The following ZNF804B variants were observed in gnomAD, a reference collection of about 807,000 sequenced individuals.
ZNF804B encodes zinc finger 804B.
ZNF804B carries 80 observed loss-of-function variants against 101.4 expected under a neutral mutation model. The ratio of observed to expected loss-of-function variants is 0.79; its 90% CI spans 0.66 to 0.95. ZNF804B has a LOEUF of 0.95. Among genes scored for constraint, ZNF804B ranks in the 40% least tolerant of loss-of-function variants. The pLI is 0.00. For synonymous variants in ZNF804B, 622 were observed against 558.8 expected (o/e 1.11, Z -1.59); for missense variants, 1,673 against 1,561.9 (o/e 1.07, Z -1.20).
At chr7:88,765,663 G>T (rs1267098116) in intron 1 of ZNF804B, among the ~76,000 whole-genome samples, 7 of 152,108 alleles carry the variant, frequency 4.6e-5, no homozygotes, top group Non-Finnish European at 1.0e-4. Flanking sequence ...TACTTTGCTT[G>T]AAAATGCCTT....
At chr7:88,922,715 G>A (rs1792736523) in intron 1 of ZNF804B, among the ~76,000 whole-genome samples, 1 of 151,836 alleles carries the variant, frequency 6.6e-6, no homozygotes, top group African/African-American at 2.4e-5. Flanking sequence ...CAAAGTGACA[G>A]CAATCAATCT....
intron 1 of ZNF804B, among the ~76,000 whole-genome samples, chr7:89,195,551 A>C (rs1788533290): frequency 6.6e-6 from 1 of 151,104 alleles, no homozygotes; most frequent in South Asian, 2.1e-4. Flanking sequence ...AATAACAGAC[A>C]AACAGAGAGC....
rs10486887 is a variant in ZNF804B at position 88,958,723 on chromosome 7, C to A, written c.108+198639C>A. Among the ~76,000 whole-genome samples the A allele has an allele frequency of 2.5e-4, 38 of 151,192 alleles. No homozygotes were observed. In the East Asian group the frequency reaches 6.7e-3, roughly 27 times the overall value. Reference sequence around the variant, plus strand: ...GATTTAATGTCACATCGAAGAGTAACTTGTTGCATTTTAGATACTGATTCT... The same window carrying A: ...GATTTAATGTCACATCGAAGAGTAAATTGTTGCATTTTAGATACTGATTCT... On this transcript the variant is annotated intron_variant, in intron 1 of 3. Coordinates refer to ENST00000333190, the MANE Select transcript of ZNF804B (RefSeq NM_181646.5).
At chr7:89,026,374 A>G (rs1345777957) in intron 1 of ZNF804B, among the ~76,000 whole-genome samples, 2 of 152,188 alleles carry the variant, frequency 1.3e-5, no homozygotes, top group Non-Finnish European at 2.9e-5. Flanking sequence ...GAGCTGGGAC[A>G]CGGTTTTGCT....
In ZNF804B at chr7:88,804,870, G is replaced by A. The variant is rs1035042413; in HGVS notation, c.108+44786G>A. Among the ~76,000 whole-genome samples, 11 of 152,136 alleles carry A rather than the reference G, an allele frequency of 7.2e-5. 1 individual carries two copies. In the East Asian group the frequency reaches 7.7e-4, roughly 11 times the overall value. On this transcript the variant is annotated intron_variant, in intron 1 of 3. Transcript: ENST00000333190. ...TGGTACCCCTGACATAACATACTCC[G>A]TTTGCAATTAAGAAAACCATGGCAA...
chr7:89,253,281 T>C (rs1305339697), intron 2 of ZNF804B, among the ~76,000 whole-genome samples: 1 of 151,926 alleles, frequency 6.6e-6, no homozygotes, highest in Non-Finnish European at 1.5e-5. Flanking sequence ...TAAAAACTAA[T>C]AAAAATTGAA....
At chr7:88,818,327 A>T (rs997110598) in intron 1 of ZNF804B, among the ~76,000 whole-genome samples, 1 of 152,180 alleles carries the variant, frequency 6.6e-6, no homozygotes, top group Non-Finnish European at 1.5e-5. Flanking sequence ...TTGCTGATAA[A>T]TTAGGGATTA....
chr7:89,110,019 C>T (rs937856644), intron 1 of ZNF804B, among the ~76,000 whole-genome samples: 1 of 152,032 alleles, frequency 6.6e-6, no homozygotes, highest in African/African-American at 2.4e-5. Context: ...ACAGCATTTG[C>T]CTTTGAAGAG....
chr7:89,225,192 G>T (rs1584067888), intron 2 of ZNF804B, among the ~76,000 whole-genome samples: 1 of 151,990 alleles, frequency 6.6e-6, no homozygotes, highest in African/African-American at 2.4e-5. Flanking sequence ...TATCAGTGGG[G>T]GTGTACCTTG....
chr7:88,780,891 TATC>T (rs1171538499), intron 1 of ZNF804B, among the ~76,000 whole-genome samples: 5 of 152,194 alleles, frequency 3.3e-5, no homozygotes, highest in Non-Finnish European at 7.4e-5. Context: ...TTGCTTCCCT[TATC>T]ATTATGCACT....
chr7:89,112,028 C>T (rs1583993015), intron 1 of ZNF804B, among the ~76,000 whole-genome samples: 1 of 149,588 alleles, frequency 6.7e-6, no homozygotes, highest in South Asian at 2.1e-4. Flanking sequence ...ATCGCTTGAA[C>T]CTGGGAGACC....
At chr7:89,131,763 T>A (rs926281822) in intron 1 of ZNF804B, among the ~76,000 whole-genome samples, 6 of 152,018 alleles carry the variant, frequency 3.9e-5, no homozygotes, top group African/African-American at 1.4e-4. Flanking sequence ...GGTCAGACAT[T>A]AGAAAACTTG....
chr7:89,136,736 AGT>A (rs3059353), intron 1 of ZNF804B, among the ~76,000 whole-genome samples: 56,685 of 145,386 alleles, frequency 0.39, 11,193 homozygotes, highest in East Asian at 0.6. Context: ...TGTGTGTGTG[AGT>A]GTGTGTGTGT....
At chr7:89,123,248 C>T (rs939579129) in intron 1 of ZNF804B, among the ~76,000 whole-genome samples, 4 of 151,408 alleles carry the variant, frequency 2.6e-5, no homozygotes, top group Admixed American at 1.3e-4. Flanking sequence ...TTTGAATAAC[C>T]TAGTTGTGAA....
At position 88,845,286 on chromosome 7, in the gene ZNF804B, C is replaced by CGT. The variant is rs1313543230; in HGVS notation, c.108+85203_108+85204insTG. Among the ~76,000 whole-genome samples the CGT allele has an allele frequency of 2.9e-3, 343 of 116,280 alleles. 1 individual carries two copies. Among genetic ancestry groups the CGT allele is most frequent in the African/African-American group, 0.012 (326 of 26,438 alleles). The allele number at this position is 116,280 out of a possible 152,430, so 76.3% of individuals were successfully genotyped here. ...ACATATGCGCATGTGTGCGCACGCGCGCGCGCACGCGCGCGCACACACACA... is the reference window on the plus strand; with the variant it reads ...ACATATGCGCATGTGTGCGCACGCGCGTGCGCGCACGCGCGCGCACACACACA... On this transcript the variant is annotated intron_variant, in intron 1 of 3. Coordinates refer to ENST00000333190, the MANE Select transcript of ZNF804B (RefSeq NM_181646.5).
intron 1 of ZNF804B, among the ~76,000 whole-genome samples, chr7:88,855,196 T>C (rs377766832): frequency 6.6e-6 from 1 of 152,102 alleles, no homozygotes; most frequent in African/African-American, 2.4e-5. Context: ...TCCACAATGG[T>C]TGAACTAGTT....
At chr7:89,287,941 A>G (rs927389189) in intron 2 of ZNF804B, among the ~76,000 whole-genome samples, 1 of 151,774 alleles carries the variant, frequency 6.6e-6, no homozygotes, top group East Asian at 1.9e-4. Flanking sequence ...CAGGAAAAAA[A>G]AAACCACATA....
intron 1 of ZNF804B, among the ~76,000 whole-genome samples, chr7:89,026,163 C>A (rs140427908): frequency 6.6e-6 from 1 of 152,156 alleles, no homozygotes; most frequent in African/African-American, 2.4e-5. Flanking sequence ...GAAATATGTC[C>A]TCAGGAAGCT....
At chr7:88,893,505 G>A (rs998505980) in intron 1 of ZNF804B, among the ~76,000 whole-genome samples, 1 of 151,856 alleles carries the variant, frequency 6.6e-6, no homozygotes, top group Non-Finnish European at 1.5e-5. Flanking sequence ...ATAAACTATA[G>A]CATTATCAAA....
Sources: gnomAD v4.1 joint callset for allele counts (sites outside exome capture counted in the v4.1 genomes callset) on GRCh38, gnomAD v4.1.1 for gene constraint, MANE v1.5 for transcripts, NCBI Gene and HGNC (gene_info 2026-07-23, HGNC 2026-07-21) for gene names.